Variants in ITGBL1 observed in about 807,000 individuals in gnomAD.
The protein encoded by ITGBL1 is integrin beta-like protein 1.
A neutral mutation model predicts 68.5 loss-of-function variants in ITGBL1; 51 were observed. The observed-to-expected ratio is 0.74, with a 90% CI of 0.59 to 0.94. The LOEUF (loss-of-function observed/expected upper bound fraction) is 0.94. Ranked by LOEUF, ITGBL1 falls within the 40% of genes least tolerant of loss-of-function variation. The pLI is 0.00. For missense variants in ITGBL1, 649 were observed against 647.4 expected (o/e 1.00, Z -0.03); for synonymous variants, 209 against 227.3 (o/e 0.92, Z 0.72).
At chr13:101,506,922 A>G (rs2049035452) in intron 2 of ITGBL1, among the ~76,000 whole-genome samples, 1 of 152,150 alleles carries the variant, frequency 6.6e-6, no homozygotes, top group African/African-American at 2.4e-5. Flanking sequence ...TGAAGATGTA[A>G]TTGGAAGAGG....
At chr13:101,620,112 C>T (rs1850018199) in intron 7 of ITGBL1, among the ~76,000 whole-genome samples, 2 of 152,060 alleles carry the variant, frequency 1.3e-5, no homozygotes, top group African/African-American at 2.4e-5. Context: ...AACATAATTA[C>T]AATATTTTAA....
intron 2 of ITGBL1, among the ~76,000 whole-genome samples, chr13:101,503,160 C>T (rs1248657208): frequency 6.6e-6 from 1 of 152,118 alleles, no homozygotes; most frequent in Non-Finnish European, 1.5e-5. Context: ...TTTTCCTATA[C>T]TGTGAAATTT....
chr13:101,693,093 C>A (rs2139557462), intron 8 of ITGBL1: 1 of 178,870 alleles, frequency 5.6e-6, no homozygotes, highest in East Asian at 1.6e-4. Context: ...TCTTAGAAAT[C>A]ACAAGAGGTA....
chr13:101,675,168 T>G (rs2033470269), intron 7 of ITGBL1, among the ~76,000 whole-genome samples: 2 of 152,172 alleles, frequency 1.3e-5, no homozygotes, highest in Admixed American at 1.3e-4. Context: ...TCAGTCTTGT[T>G]GCTTTTTCCT....
chr13:101,538,315 G>A (rs952584899), intron 2 of ITGBL1, among the ~76,000 whole-genome samples: 3 of 151,798 alleles, frequency 2.0e-5, no homozygotes, highest in East Asian at 1.9e-4. Context: ...TTGGGGGGCC[G>A]TGTAAAGAGA....
At chr13:101,546,070 G>A (rs1024778075) in intron 2 of ITGBL1, among the ~76,000 whole-genome samples, 1 of 152,066 alleles carries the variant, frequency 6.6e-6, no homozygotes, top group African/African-American at 2.4e-5. Context: ...CATAATATTG[G>A]GTAAAATGTT....
intron 3 of ITGBL1, 26 bp downstream of exon 3, chr13:101,567,871 G>T (rs745365567): frequency 1.9e-6 from 3 of 1,589,076 alleles, no homozygotes; most frequent in South Asian, 2.3e-5. Context: ...TGTGAAAATT[G>T]TTAAGTGGAA....
intron 7 of ITGBL1, among the ~76,000 whole-genome samples, chr13:101,628,599 ATTTT>A (rs34600896): frequency 1.4e-5 from 2 of 140,702 alleles, no homozygotes; most frequent in Admixed American, 1.4e-4. Flanking sequence ...TACCCAGCTA[ATTTT>A]TTTTTTTTTT....
chr13:101,710,349 C>T (rs946111282), intron 9 of ITGBL1, among the ~76,000 whole-genome samples: 20 of 152,166 alleles, frequency 1.3e-4, no homozygotes, highest in African/African-American at 4.1e-4. Context: ...TTATCGATGA[C>T]GAAAGGGGAT....
intron 2 of ITGBL1, among the ~76,000 whole-genome samples, chr13:101,518,048 G>A (rs963791152): frequency 1.3e-5 from 2 of 151,992 alleles, no homozygotes; most frequent in Non-Finnish European, 2.9e-5. Context: ...TTTCCTCTTC[G>A]GTCTTCTCCA....
intron 8 of ITGBL1, among the ~76,000 whole-genome samples, chr13:101,698,825 T>A (rs917849632): frequency 2.0e-5 from 3 of 152,212 alleles, no homozygotes; most frequent in Non-Finnish European, 4.4e-5. Context: ...GAGACTTCCC[T>A]CCTGTGTGCC....
chr13:101,590,363 A>G (rs1190601445), intron 6 of ITGBL1, among the ~76,000 whole-genome samples: 1 of 152,008 alleles, frequency 6.6e-6, no homozygotes, highest in African/African-American at 2.4e-5. Flanking sequence ...CTCCCTTTGT[A>G]CCTGCCTTTA....
intron 10 of ITGBL1, 143 bp downstream of exon 10, chr13:101,714,694 TG>T: frequency 1.6e-6 from 1 of 624,844 alleles, no homozygotes; most frequent in Non-Finnish European, 2.9e-6. Context: ...AGTGGGCATT[TG>T]GGAAAAAGCC....
At chr13:101,509,071 G>A (rs558133244) in intron 2 of ITGBL1, among the ~76,000 whole-genome samples, 6 of 152,130 alleles carry the variant, frequency 3.9e-5, no homozygotes, top group South Asian at 2.1e-4. Flanking sequence ...ACCCAAGACC[G>A]GGCAATTTAC....
intron 7 of ITGBL1, among the ~76,000 whole-genome samples, chr13:101,646,046 A>G (rs1187435622): frequency 1.3e-5 from 2 of 152,200 alleles, no homozygotes; most frequent in Admixed American, 6.5e-5. Flanking sequence ...AATGCCAAAG[A>G]GTGAGTGCTC....
intron 7 of ITGBL1, 150 bp from the exon 8 acceptor site, chr13:101,692,435 A>C: frequency 1.7e-6 from 1 of 586,380 alleles, no homozygotes; most frequent in South Asian, 2.3e-5. Flanking sequence ...TACCTTAGGG[A>C]GGTTGGAAAT....
chr13:101,637,490 CGTG>C (rs1167352237), intron 7 of ITGBL1, among the ~76,000 whole-genome samples: 2 of 151,794 alleles, frequency 1.3e-5, no homozygotes, highest in Non-Finnish European at 2.9e-5. Context: ...ACTACAGGCA[CGTG>C]CCACCACACC....
At chr13:101,548,326 AAGAG>A (rs2049862513) in intron 2 of ITGBL1, among the ~76,000 whole-genome samples, 1 of 151,858 alleles carries the variant, frequency 6.6e-6, no homozygotes, top group Non-Finnish European at 1.5e-5. Context: ...GTCAGTACAA[AAGAG>A]GGAAGGCTGG....
chr13:101,676,823 A>G (rs987712796), intron 7 of ITGBL1, among the ~76,000 whole-genome samples: 1 of 152,220 alleles, frequency 6.6e-6, no homozygotes, highest in Non-Finnish European at 1.5e-5. Flanking sequence ...TATTATTTAA[A>G]TTACCATTAA....
Sources: allele counts gnomAD v4.1 joint callset (sites outside exome capture counted in the v4.1 genomes callset), GRCh38; gene constraint gnomAD v4.1.1; transcripts MANE v1.5; gene names NCBI Gene and HGNC (gene_info 2026-07-23, HGNC 2026-07-21).